GLDC: variants seen among roughly 807,000 people sequenced by gnomAD.
GLDC encodes the protein glycine decarboxylase.
GLDC carries 104 observed loss-of-function variants against 121.3 expected under a neutral mutation model. The observed-to-expected ratio is 0.86, with a 90% CI of 0.73 to 1.01. The LOEUF is 1.01. GLDC is among the 50% of genes least tolerant of loss of function. The pLI, the probability that GLDC is intolerant of heterozygous loss-of-function variation, is 0.00. For synonymous variants in GLDC, 546 were observed against 480.6 expected (o/e 1.14, Z -1.78); for missense variants, 1,429 against 1,306.6 (o/e 1.09, Z -1.44).
At chr9:6,562,714 C>A (rs1344085510) in intron 16 of GLDC, among the ~76,000 whole-genome samples, 2 of 152,204 alleles carry the variant, frequency 1.3e-5, no homozygotes, top group African/African-American at 4.8e-5. Flanking sequence ...GCGTGCACCA[C>A]CATGCCTGGC....
At chr9:6,589,568 C>T (rs1350366768) in intron 11 of GLDC, among the ~76,000 whole-genome samples, 5 of 148,550 alleles carry the variant, frequency 3.4e-5, no homozygotes, top group South Asian at 2.1e-4. Context: ...GCTGGGGCTA[C>T]AGGTGCATGC....
rs1363690964 is a variant in GLDC, at chr9:6,604,579, C to T, written c.1058+9G>A. The T allele has an allele frequency of 6.2e-7, 1 of 1,604,976 alleles. No individual in the cohort carries two copies. Among genetic ancestry groups the T allele is most frequent in the Admixed American group, 1.7e-5 (1 of 59,998 alleles). On this transcript the variant is annotated intron_variant, in intron 7 of 24. Transcript: ENST00000321612. ...CACAATAAAAGTAGAGAAACATGAG[C>T]CCCTTTACCTTGTTACCCCCACCAT...
intron 2 of GLDC, 176 bp downstream of exon 2, chr9:6,644,438 C>G (rs1211080533): frequency 4.6e-6 from 3 of 658,492 alleles, no homozygotes; most frequent in Non-Finnish European, 8.2e-6. Flanking sequence ...CTGTCTGCTC[C>G]GAGAACCAAA....
chr9:6,596,740 A>G (rs1455002940), intron 8 of GLDC, among the ~76,000 whole-genome samples: 1 of 152,240 alleles, frequency 6.6e-6, no homozygotes, highest in African/African-American at 2.4e-5. Context: ...ATAGGAAGTA[A>G]CAAGCATTGG....
intron 15 of GLDC, among the ~76,000 whole-genome samples, chr9:6,586,750 G>T (rs887744731): frequency 9.9e-5 from 15 of 152,184 alleles, no homozygotes; most frequent in Admixed American, 6.5e-4. Context: ...TTAATAGATA[G>T]ACTAATCTGG....
At chr9:6,605,058 G>A (rs530226443) in intron 6 of GLDC, 73 bp downstream of exon 6, 3 of 1,327,848 alleles carry the variant, frequency 2.3e-6, no homozygotes, top group Admixed American at 1.7e-5. Context: ...TGAAAAGACA[G>A]AGAGAGAGAT....
intron 3 of GLDC, among the ~76,000 whole-genome samples, chr9:6,615,033 C>T (rs769524096): frequency 6.6e-6 from 1 of 152,206 alleles, no homozygotes; most frequent in Admixed American, 6.5e-5. Context: ...AATATCACTA[C>T]GCAGGGCATG....
intron 21 of GLDC, among the ~76,000 whole-genome samples, chr9:6,542,885 CA>C (rs5896153): frequency 0.47 from 29,724 of 62,906 alleles, 3,228 homozygotes; most frequent in East Asian, 0.65. Flanking sequence ...GACCTTTTCT[CA>C]AAAAAAAAAA....
intron 2 of GLDC, among the ~76,000 whole-genome samples, chr9:6,622,251 C>A (rs34608509): frequency 0.025 from 3,810 of 152,060 alleles, 64 homozygotes; most frequent in Non-Finnish European, 0.04. Context: ...CCCCCTCCCC[C>A]TCCCCCTCTC....
At chr9:6,595,184 T>G in intron 8 of GLDC, 65 bp from the exon 9 acceptor site, 1 of 1,061,220 alleles carries the variant, frequency 9.4e-7, no homozygotes, top group Non-Finnish European at 1.5e-6. Context: ...GTGTAATTAC[T>G]TGACTTGGGA....
At chr9:6,543,954 C>A (rs1817329357) in intron 21 of GLDC, among the ~76,000 whole-genome samples, 1 of 152,038 alleles carries the variant, frequency 6.6e-6, no homozygotes, top group African/African-American at 2.4e-5. Flanking sequence ...GGAACCACCG[C>A]CCCCATATGT....
chr9:6,625,793 T>G (rs995568013), intron 2 of GLDC, among the ~76,000 whole-genome samples: 1 of 151,346 alleles, frequency 6.6e-6, no homozygotes, highest in Non-Finnish European at 1.5e-5. Flanking sequence ...AAAGGTGGGG[T>G]TAACGTTTTA....
At chr9:6,555,557 T>C (rs1250161562) in intron 18 of GLDC, among the ~76,000 whole-genome samples, 1 of 151,744 alleles carries the variant, frequency 6.6e-6, no homozygotes, top group Non-Finnish European at 1.5e-5. Context: ...TTGCCTGAGC[T>C]CAGGAGTTCA....
chr9:6,548,377 C>T (rs1817440877), intron 21 of GLDC, among the ~76,000 whole-genome samples: 1 of 151,996 alleles, frequency 6.6e-6, no homozygotes, highest in Admixed American at 6.6e-5. Flanking sequence ...AGGAGCTAAG[C>T]TAGATTTGAA....
intron 2 of GLDC, among the ~76,000 whole-genome samples, chr9:6,629,522 C>A (rs1363018092): frequency 6.6e-6 from 1 of 151,920 alleles, no homozygotes; most frequent in African/African-American, 2.4e-5. Flanking sequence ...GTTTTAATAT[C>A]CTGTTTATGT....
At chr9:6,611,511 A>G (rs766229070) in intron 3 of GLDC, among the ~76,000 whole-genome samples, 16 of 151,376 alleles carry the variant, frequency 1.1e-4, no homozygotes, top group East Asian at 1.9e-4. Context: ...AGCTGAGATC[A>G]CGCCACTGTA....
intron 16 of GLDC, among the ~76,000 whole-genome samples, chr9:6,559,485 A>G (rs1817704435): frequency 7.0e-6 from 1 of 142,714 alleles, no homozygotes; most frequent in Non-Finnish European, 1.5e-5. Context: ...ATTGCACTCC[A>G]GCCTGGGCGA....
intron 16 of GLDC, 99 bp from the exon 17 acceptor site, chr9:6,558,783 A>G (rs1817687296): frequency 1.6e-6 from 2 of 1,252,116 alleles, no homozygotes; most frequent in Admixed American, 1.8e-5. Context: ...CAAATTAGAC[A>G]CCACCTGTTT....
chr9:6,629,134 G>A (rs749687194), intron 2 of GLDC, among the ~76,000 whole-genome samples: 9 of 151,542 alleles, frequency 5.9e-5, no homozygotes, highest in Non-Finnish European at 1.2e-4. Flanking sequence ...TTGCCACTGC[G>A]CCTAAAATAG....
Sources: allele counts gnomAD v4.1 joint callset (sites outside exome capture counted in the v4.1 genomes callset), GRCh38; gene constraint gnomAD v4.1.1; transcripts MANE v1.5; gene names NCBI Gene and HGNC (gene_info 2026-07-23, HGNC 2026-07-21).